TMEM131L: variants seen among roughly 807,000 people sequenced by gnomAD.
TMEM131L encodes the protein transmembrane 131 like.
In TMEM131L, 54 loss-of-function variants were observed where a neutral mutation model predicts 192.2. The observed-to-expected ratio is 0.28, with a 90% CI of 0.23 to 0.35. TMEM131L has a LOEUF of 0.35. Ranked by LOEUF, TMEM131L falls within the 10% of genes least tolerant of loss-of-function variation. The pLI, the probability that TMEM131L is intolerant of heterozygous loss-of-function variation, is 1.00. For missense variants in TMEM131L, 1,888 were observed against 1,972.9 expected (o/e 0.96, Z 0.82); for synonymous variants, 701 against 704.9 (o/e 0.99, Z 0.09).
intron 3 of TMEM131L, among the ~76,000 whole-genome samples, chr4:153,546,117 C>T (rs1737155386): frequency 6.6e-6 from 1 of 151,986 alleles, no homozygotes; most frequent in Non-Finnish European, 1.5e-5. Context: ...TCTCGAACTC[C>T]TAGGCTTGAG....
chr4:153,553,457 T>TA (rs34266190), intron 4 of TMEM131L, among the ~76,000 whole-genome samples: 26,266 of 143,680 alleles, frequency 0.18, 4,173 homozygotes, highest in East Asian at 0.44. Flanking sequence ...TTGCTGAAGT[T>TA]AAAAAAAAAA....
intron 3 of TMEM131L, among the ~76,000 whole-genome samples, chr4:153,545,290 C>CTTTTTTTTTT (rs59852943): frequency 5.1e-4 from 67 of 132,330 alleles, no homozygotes; most frequent in South Asian, 1.0e-3. Flanking sequence ...CTTTTTCAAA[C>CTTTTTTTTTT]TTTTTTTTTT....
chr4:153,562,453 C>A (rs1054798633), intron 7 of TMEM131L, among the ~76,000 whole-genome samples: 1 of 152,180 alleles, frequency 6.6e-6, no homozygotes, highest in African/African-American at 2.4e-5. Flanking sequence ...ATTTCTGCAT[C>A]TAAATTGCAT....
At position 153,604,297 on chromosome 4, in the gene TMEM131L, G is replaced by A; in HGVS notation, c.3285G>A (p.Glu1095=). The change falls in exon 25 of 35, where the codon GAG becomes GAA. Residue 1095 remains glutamate, a synonymous_variant. Transcript: ENST00000409959. ...AGGAAACTGACATTAAAACTTCAGA[G>A]AACACAGCCGAGTTCAAGGAACGGG... The part of the protein sequence containing the change: ...FPKETDIKTS[E]NTAEFKEREL... 1.2e-6 allele frequency: 2 copies of A among 1,614,084 alleles called. No individual in the cohort carries two copies. The highest frequency in any genetic ancestry group is 1.1e-5 in the South Asian group (1 of 91,070).
At chr4:153,622,876 T>C in intron 28 of TMEM131L, 22 bp from the exon 29 acceptor site, 2 of 1,612,968 alleles carry the variant, frequency 1.2e-6, no homozygotes. Flanking sequence ...CAGGGAAACA[T>C]GACTCCTTTC....
chr4:153,565,216 A>G (rs1173726420), intron 7 of TMEM131L, among the ~76,000 whole-genome samples: 1 of 152,190 alleles, frequency 6.6e-6, no homozygotes, highest in African/African-American at 2.4e-5. Flanking sequence ...TTTCATTATT[A>G]TAATCTCTAT....
chr4:153,604,230 A>C lies in TMEM131L; in HGVS notation c.3218A>C (p.Glu1073Ala), dbSNP rs1732055089. The change falls in exon 25 of 35, where the codon GAA becomes GCA. Residue 1073 changes from glutamate (E) to alanine (A), a missense_variant. Glu to Ala is a moderately radical substitution (Grantham distance 107). Coordinates refer to ENST00000409959, the MANE Select transcript of TMEM131L (RefSeq NM_001131007.2). ...ATTGTTTTCAGTAATCCTTCTTCAG[A>C]ATGTAGTATGAAGGAGGGAATACAG... ...NTIVFSNPSS[E>A]CSMKEGIQTC... The C allele has an allele frequency of 1.4e-5, 23 of 1,614,006 alleles. No homozygotes were observed. In the East Asian group the frequency reaches 5.1e-4, roughly 36 times the overall value.
intron 16 of TMEM131L, among the ~76,000 whole-genome samples, chr4:153,589,498 A>G (rs1442168210): frequency 6.6e-6 from 1 of 152,204 alleles, no homozygotes; most frequent in Admixed American, 6.5e-5. Flanking sequence ...GTCCCAGACA[A>G]GATGGAGTGG....
intron 3 of TMEM131L, among the ~76,000 whole-genome samples, chr4:153,514,432 A>G (rs536311009): frequency 6.6e-6 from 1 of 152,326 alleles, no homozygotes; most frequent in Non-Finnish European, 1.5e-5. Context: ...TGGTGATGTA[A>G]ATAGGAGGGC....
At position 153,635,418 on chromosome 4, in the gene TMEM131L, C is replaced by G; in HGVS notation, c.4418-14C>G. The stretch of plus-strand genomic sequence containing the variant: ...AAATGTTTACCTATGATGATATTCT[C>G]CCATTCTTTGTAGAAAACATGAACT... On this transcript the variant is annotated splice_polypyrimidine_tract_variant and intron_variant, in intron 33 of 34. Coordinates refer to ENST00000409959, the MANE Select transcript of TMEM131L (RefSeq NM_001131007.2). The G allele has an allele frequency of 6.2e-7, 1 of 1,612,554 alleles. No individual in the cohort carries two copies. The highest frequency in any genetic ancestry group is 8.5e-7 in the Non-Finnish European group (1 of 1,178,828).
At chr4:153,627,803 C>A (rs891648642) in intron 31 of TMEM131L, 116 bp downstream of exon 31, 44 of 746,894 alleles carry the variant, frequency 5.9e-5, no homozygotes, top group Non-Finnish European at 9.4e-5. Context: ...CATTTCCCCA[C>A]CAGCCCCTTC....
At position 153,593,915 on chromosome 4, in the gene TMEM131L, A is replaced by G. The variant is rs763505553; in HGVS notation, c.1995+44A>G. On this transcript the variant is annotated intron_variant, in intron 19 of 34. Coordinates refer to ENST00000409959, the MANE Select transcript of TMEM131L (RefSeq NM_001131007.2). ...ACAGAAAAAAGAATGCCGACAAACTAGACACATGAGCATACGGGCCTCATT... is the reference window on the plus strand; with the variant it reads ...ACAGAAAAAAGAATGCCGACAAACTGGACACATGAGCATACGGGCCTCATT... The G allele has an allele frequency of 2.4e-6, 3 of 1,265,742 alleles. No individual in the cohort carries two copies. The East Asian group carries it at 6.9e-5, about 29-fold the overall frequency. The allele number at this position is 1,265,742 out of a possible 1,614,324, so 78.4% of individuals were successfully genotyped here. A position where few individuals can be genotyped will look rare whatever the true frequency, so the allele number is the denominator to read the frequency against.
At chr4:153,566,328 G>A (rs1465699259) in intron 7 of TMEM131L, among the ~76,000 whole-genome samples, 1 of 151,910 alleles carries the variant, frequency 6.6e-6, no homozygotes, top group Admixed American at 6.6e-5. Context: ...GTAGAGACGG[G>A]GTTTCACCAT....
intron 3 of TMEM131L, among the ~76,000 whole-genome samples, chr4:153,542,599 T>C (rs1438254561): frequency 6.6e-6 from 1 of 152,220 alleles, no homozygotes; most frequent in African/African-American, 2.4e-5. Context: ...TAGGATTATA[T>C]ATAATAAAGT....
intron 3 of TMEM131L, among the ~76,000 whole-genome samples, chr4:153,522,707 T>A (rs1176421044): frequency 6.6e-6 from 1 of 152,234 alleles, no homozygotes; most frequent in African/African-American, 2.4e-5. Context: ...TAATAAATGC[T>A]TCTTGGAATG....
intron 25 of TMEM131L, among the ~76,000 whole-genome samples, chr4:153,611,710 G>A (rs749493257): frequency 6.6e-6 from 1 of 152,142 alleles, no homozygotes; most frequent in African/African-American, 2.4e-5. Flanking sequence ...GCTCCCTCAT[G>A]GGTGGAATCA....
In TMEM131L at chr4:153,499,886, G is replaced by A. The variant is rs569441168; in HGVS notation, c.239+25998G>A. ...CATTTGCTCTCTTTAGTCTTCCACCGTCAGATCCCAGTCTCACAGACTTGA... is the reference window on the plus strand; with the variant it reads ...CATTTGCTCTCTTTAGTCTTCCACCATCAGATCCCAGTCTCACAGACTTGA... On this transcript the variant is annotated intron_variant, in intron 3 of 34. Transcript: ENST00000409959. Among the ~76,000 whole-genome samples the A allele has an allele frequency of 7.1e-4, 108 of 152,130 alleles. 1 individual carries two copies. The South Asian group carries it at 0.02, about 28-fold the overall frequency.
chr4:153,634,206 G>A lies in TMEM131L; in HGVS notation c.4343G>A (p.Ser1448Asn), dbSNP rs1174785259. ...TTTTGTGGCAGTTTCATTGATTGGA[G>A]TGCAACATGCGAAGGCCAGTTTTCC... Reference protein sequence around the residue: ...APVHNSFIDWSATCEGQFSSA... With the variant: ...APVHNSFIDWNATCEGQFSSA... The change falls in exon 33 of 35, where the codon AGT (serine) becomes AAT (asparagine). Residue 1448 changes from serine to asparagine, a missense_variant. Transcript: ENST00000409959. The A allele has an allele frequency of 6.2e-7, 1 of 1,613,886 alleles. No individual in the cohort carries two copies. The highest frequency in any genetic ancestry group is 8.5e-7 in the Non-Finnish European group (1 of 1,179,888).
intron 17 of TMEM131L, among the ~76,000 whole-genome samples, chr4:153,591,843 A>T (rs1731090687): frequency 6.6e-6 from 1 of 152,198 alleles, no homozygotes; most frequent in African/African-American, 2.4e-5. Flanking sequence ...AGAGTAGTAT[A>T]TCAGGAGCTC....
Sources: gnomAD v4.1 joint callset for allele counts (sites outside exome capture counted in the v4.1 genomes callset) on GRCh38, gnomAD v4.1.1 for gene constraint, MANE v1.5 for transcripts, NCBI Gene and HGNC (gene_info 2026-07-23, HGNC 2026-07-21) for gene names.